The following ABR variants were observed in gnomAD, a reference collection of about 807,000 sequenced individuals.
The protein encoded by ABR is ABR activator of RhoGEF and GTPase.
A neutral mutation model predicts 107.2 loss-of-function variants in ABR; 35 were observed. That is an observed-to-expected ratio of 0.33 (90% CI 0.25 to 0.43). ABR has a LOEUF of 0.43. Among genes scored for constraint, ABR ranks in the 20% least tolerant of loss-of-function variants. The pLI, the probability that ABR is intolerant of heterozygous loss-of-function variation, is 1.00. For synonymous variants in ABR, 498 were observed against 462.0 expected, an observed-to-expected ratio of 1.08 and a Z score of -1.00; for missense variants, 815 against 1,115.2, an observed-to-expected ratio of 0.73 and a Z score of 3.83.
At chr17:1,120,039 A>G (rs2039278327) in intron 2 of ABR, among the ~76,000 whole-genome samples, 1 of 151,968 alleles carries the variant, frequency 6.6e-6, no homozygotes, top group Non-Finnish European at 1.5e-5. Context: ...GGATTATGGG[A>G]GTGAACTACC....
intron 1 of ABR, among the ~76,000 whole-genome samples, chr17:1,173,765 G>A (rs1397026561): frequency 1.3e-5 from 2 of 152,164 alleles, no homozygotes; most frequent in Non-Finnish European, 2.9e-5. Context: ...GCCGCTGTGG[G>A]AGGCGCTGCC....
intron 1 of ABR, among the ~76,000 whole-genome samples, chr17:1,141,564 C>T (rs940263499): frequency 2.0e-5 from 3 of 152,124 alleles, no homozygotes; most frequent in Non-Finnish European, 2.9e-5. Flanking sequence ...GCTAACAAAA[C>T]GGCAGCTATT....
intron 6 of ABR, among the ~76,000 whole-genome samples, chr17:1,074,214 C>T (rs932677275): frequency 4.7e-5 from 7 of 149,512 alleles, no homozygotes; most frequent in African/African-American, 1.5e-4. Flanking sequence ...ACGCAGGACC[C>T]CAGAATCACA....
intron 6 of ABR, among the ~76,000 whole-genome samples, chr17:1,076,536 T>C (rs759716321): frequency 1.3e-5 from 2 of 151,810 alleles, no homozygotes; most frequent in Non-Finnish European, 2.9e-5. Context: ...CATTATCGGC[T>C]CCCCGCAGCC....
At chr17:1,093,306 T>A (rs1027937599) in intron 3 of ABR, among the ~76,000 whole-genome samples, 1 of 151,910 alleles carries the variant, frequency 6.6e-6, no homozygotes, top group African/African-American at 2.4e-5. Context: ...CCGTCTCTAC[T>A]AAAACTACAA....
chr17:1,014,690 C>T (rs552917325), intron 16 of ABR, among the ~76,000 whole-genome samples: 47 of 150,314 alleles, frequency 3.1e-4, no homozygotes, highest in Admixed American at 4.0e-4. Context: ...AAAAAAAATA[C>T]AAAAAATTAG....
At chr17:1,143,452 CTCCTGGGGGGCAGCTCAT>C (rs1438372675) in intron 1 of ABR, among the ~76,000 whole-genome samples, 4 of 90,024 alleles carry the variant, frequency 4.4e-5, no homozygotes, top group Non-Finnish European at 6.4e-5. Context: ...GGACAGCTCG[CTCCTGGGGGGCAGCTCAT>C]TCCTGGGGGG....
chr17:1,092,400 C>T lies in ABR; in HGVS notation c.346-550G>A, dbSNP rs1392937115. On this transcript the variant is annotated intron_variant, in intron 3 of 22. Transcript: ENST00000302538. The surrounding 1 kb of genome is among the most constrained non-coding windows in gnomAD (Gnocchi z 4.6). ...GCGTTCACGTGTCCCCCACTGCAGC[C>T]CACCCCCGTGGCAGACATTGCTAAG... Among the ~76,000 whole-genome samples, 1 of 152,190 alleles carries T rather than the reference C, an allele frequency of 6.6e-6. No homozygotes were observed. The highest frequency in any genetic ancestry group is 2.4e-5 in the African/African-American group (1 of 41,452).
intron 17 of ABR, 32 bp from the exon 18 acceptor site, chr17:1,012,829 C>T: frequency 6.5e-7 from 1 of 1,530,898 alleles, no homozygotes. Flanking sequence ...TAAAGATTCC[C>T]CAGGGTGTGA....
chr17:1,093,024 T>C lies in ABR; in HGVS notation c.346-1174A>G, dbSNP rs1471050820. On this transcript the variant is annotated intron_variant, in intron 3 of 22. Coordinates refer to ENST00000302538, the MANE Select transcript of ABR (RefSeq NM_021962.5). ...TTTTAGTAGAGACGGGGTTTCACTG[T>C]GTTAGCCAGGATGGTCTTGATCTCC... Among the ~76,000 whole-genome samples, 3 of 151,998 alleles carry C rather than the reference T, an allele frequency of 2.0e-5. No individual in the cohort carries two copies. The East Asian group carries it at 5.9e-4, about 30-fold the overall frequency.
rs114694926 is a variant in ABR, at chr17:1,029,678, G to C, written c.1792-16514C>G. ...CGGCCCAACTGTGAAGCTCCTGCAG[G>C]AAAATGCCAGGTTAATGTGGCTGAG... On this transcript the variant is annotated intron_variant, in intron 16 of 22. Coordinates refer to ENST00000302538, the MANE Select transcript of ABR (RefSeq NM_021962.5). Among the ~76,000 whole-genome samples, 847 of 152,256 alleles carry C rather than the reference G, an allele frequency of 5.6e-3. 14 individuals are homozygous for C. The highest frequency in any genetic ancestry group is 0.019 in the African/African-American group (789 of 41,550).
chr17:1,068,024 C>T (rs978900378), intron 9 of ABR, among the ~76,000 whole-genome samples: 1 of 152,192 alleles, frequency 6.6e-6, no homozygotes, highest in Non-Finnish European at 1.5e-5. Flanking sequence ...CCTCTGCCTC[C>T]AGGGTTCAAG....
rs762519280 is a variant in ABR, at chr17:1,084,136, G to A, written c.532-509C>T. On this transcript the variant is annotated intron_variant, in intron 4 of 22. Coordinates refer to ENST00000302538, the MANE Select transcript of ABR (RefSeq NM_021962.5). This position sits in a 1 kb window ranked among gnomAD's most constrained non-coding sequence, Gnocchi z 4.2. ...TGGCCGGGCGTGGCGGCTCACGCCTGTAACCCCAGCACTTTGGGAGGCCTG... is the reference window on the plus strand; with the variant it reads ...TGGCCGGGCGTGGCGGCTCACGCCTATAACCCCAGCACTTTGGGAGGCCTG... Among the ~76,000 whole-genome samples, 35 of 152,348 alleles carry A rather than the reference G, an allele frequency of 2.3e-4. No individual in the cohort carries two copies. The highest frequency in any genetic ancestry group is 3.4e-3 in the Middle Eastern group (1 of 294).
intron 1 of ABR, among the ~76,000 whole-genome samples, chr17:1,127,568 C>T (rs1439910206): frequency 1.3e-5 from 2 of 152,202 alleles, no homozygotes; most frequent in Admixed American, 6.5e-5. Flanking sequence ...GGATGGAAGG[C>T]AGCCTCCCGC....
At chr17:1,226,614 G>T (rs1246827704) in intron 1 of ABR, among the ~76,000 whole-genome samples, 1 of 151,370 alleles carries the variant, frequency 6.6e-6, no homozygotes. Context: ...ACATATGCAG[G>T]TGTGTGTGCA....
chr17:1,025,924 G>A (rs986283960), intron 16 of ABR, among the ~76,000 whole-genome samples: 2 of 152,194 alleles, frequency 1.3e-5, no homozygotes, highest in Non-Finnish European at 2.9e-5. Context: ...GGGGCATGGG[G>A]GAAGGAGGTG....
chr17:1,078,962 C>CGGACTCCA lies in ABR; in HGVS notation c.700+360_700+367dup. 6.6e-7 allele frequency: 1 copy of CGGACTCCA among 1,505,678 alleles called. No individual in the cohort carries two copies. The highest frequency in any genetic ancestry group is 1.4e-5 in the African/African-American group (1 of 72,446). The allele number at this position is 1,505,678 out of a possible 1,614,324, so 93.3% of individuals were successfully genotyped here. On this transcript the variant is annotated intron_variant, in intron 6 of 22. Transcript: ENST00000302538. The surrounding 1 kb of genome is among the most constrained non-coding windows in gnomAD (Gnocchi z 7.5). ...CAGCCACCTTGCTGATGCTGCCGCA[C>CGGACTCCA]GGACTCCAGCATCGGGCAGCCGCTC...
At chr17:1,041,952 C>T (rs1434223364) in intron 16 of ABR, among the ~76,000 whole-genome samples, 1 of 152,034 alleles carries the variant, frequency 6.6e-6, no homozygotes, top group East Asian at 1.9e-4. Flanking sequence ...GGCAGGGGGC[C>T]CAACTGTGTG....
chr17:1,058,195 A>T, intron 11 of ABR, 150 bp from the exon 12 acceptor site: 1 of 556,756 alleles, frequency 1.8e-6, no homozygotes, highest in Non-Finnish European at 3.0e-6. Context: ...GCTCTAGTGC[A>T]ATGGCAAAAT....
Sources: gnomAD v4.1 joint callset for allele counts (sites outside exome capture counted in the v4.1 genomes callset) on GRCh38, gnomAD v4.1.1 for gene constraint, Gnocchi (gnomAD v3.1) non-coding constraint, MANE v1.5 for transcripts, NCBI Gene and HGNC (gene_info 2026-07-23, HGNC 2026-07-21) for gene names.